VTI1A: variants seen among roughly 807,000 people sequenced by gnomAD.
VTI1A encodes vesicle transport through interaction with t-SNAREs 1A, also known as vesicle transport through interaction with t-SNAREs homolog 1A.
VTI1A carries 22 observed loss-of-function variants against 34.9 expected under a neutral mutation model. The ratio of observed to expected loss-of-function variants is 0.63; its 90% confidence interval spans 0.45 to 0.90. The LOEUF is 0.90. Among genes scored for constraint, VTI1A ranks in the 40% least tolerant of loss-of-function variants. The pLI, the probability that VTI1A is intolerant of heterozygous loss-of-function variation, is 0.00. For missense variants in VTI1A, 268 were observed against 275.6 expected (o/e 0.97, Z 0.20); for synonymous variants, 87 against 97.3 (o/e 0.89, Z 0.62).
chr10:112,808,701 C>T (rs1266761812), intron 7 of VTI1A, among the ~76,000 whole-genome samples: 1 of 151,966 alleles, frequency 6.6e-6, no homozygotes, highest in Non-Finnish European at 1.5e-5. Context: ...TTGTTTGGCT[C>T]CTGTAACTGG....
the VTI1A span, among the ~76,000 whole-genome samples, chr10:112,854,329 A>G: frequency 2.6e-5 from 4 of 152,242 alleles, no homozygotes; most frequent in African/African-American, 9.6e-5. Context: ...TTACAAATGC[A>G]GAAACAGGCT....
intron 7 of VTI1A, among the ~76,000 whole-genome samples, chr10:112,795,219 C>A (rs1852628702): frequency 6.6e-6 from 1 of 152,144 alleles, no homozygotes; most frequent in South Asian, 2.1e-4. Context: ...AGCTTTTCCA[C>A]CAACTAGCTG....
intron 7 of VTI1A, among the ~76,000 whole-genome samples, chr10:112,741,129 G>A (rs2133976402): frequency 6.6e-6 from 1 of 152,260 alleles, no homozygotes; most frequent in African/African-American, 2.4e-5. Context: ...GATTATTAGT[G>A]GTCACAGAGC....
chr10:112,840,819 A>G, the VTI1A span, among the ~76,000 whole-genome samples: 1 of 152,220 alleles, frequency 6.6e-6, no homozygotes, highest in African/African-American at 2.4e-5. Context: ...GAAGGAGGCC[A>G]CTAGTATAAT....
intron 5 of VTI1A, among the ~76,000 whole-genome samples, chr10:112,637,109 A>C (rs1435685555): frequency 3.3e-5 from 5 of 152,194 alleles, no homozygotes; most frequent in African/African-American, 1.2e-4. Context: ...AAACATTAGA[A>C]ATTGTTTATT....
chr10:112,535,661 G>C (rs1347805699), intron 4 of VTI1A, among the ~76,000 whole-genome samples: 1 of 152,146 alleles, frequency 6.6e-6, no homozygotes, highest in Non-Finnish European at 1.5e-5. Context: ...CACAAGTTGA[G>C]CTCTGTCTGA....
intron 5 of VTI1A, among the ~76,000 whole-genome samples, chr10:112,587,332 A>C (rs900350589): frequency 6.6e-6 from 1 of 152,150 alleles, no homozygotes; most frequent in Non-Finnish European, 1.5e-5. Context: ...AAAACTTCAG[A>C]AGTGTATATT....
chr10:112,511,271 G>A (rs764848607), intron 3 of VTI1A, among the ~76,000 whole-genome samples: 4 of 147,746 alleles, frequency 2.7e-5, no homozygotes, highest in Non-Finnish European at 6.0e-5. Flanking sequence ...CTTTTTCAGA[G>A]TCTTGCTCTG....
chr10:112,746,851 CG>C (rs1352733911), intron 7 of VTI1A, among the ~76,000 whole-genome samples: 2 of 152,164 alleles, frequency 1.3e-5, no homozygotes, highest in Non-Finnish European at 2.9e-5. Context: ...CTAATATGTC[CG>C]AACTAGAAGG....
intron 7 of VTI1A, among the ~76,000 whole-genome samples, chr10:112,791,297 T>C (rs1243801493): frequency 6.6e-6 from 1 of 152,166 alleles, no homozygotes; most frequent in Non-Finnish European, 1.5e-5. Context: ...GTTTTTTGTC[T>C]AGACAGAGAA....
chr10:112,786,990 T>C (rs894684036), intron 7 of VTI1A, among the ~76,000 whole-genome samples: 2 of 152,354 alleles, frequency 1.3e-5, no homozygotes, highest in South Asian at 2.1e-4. Flanking sequence ...ATTATTTCTT[T>C]CATAAATTGT....
At chr10:112,649,600 T>C (rs957804634) in intron 5 of VTI1A, among the ~76,000 whole-genome samples, 4 of 152,194 alleles carry the variant, frequency 2.6e-5, no homozygotes, top group Non-Finnish European at 5.9e-5. Flanking sequence ...CCCATCTGCC[T>C]TTTTGTTAAA....
chr10:112,492,902 C>G (rs1480195674), intron 3 of VTI1A, among the ~76,000 whole-genome samples: 1 of 152,076 alleles, frequency 6.6e-6, no homozygotes, highest in African/African-American at 2.4e-5. Context: ...TAACCGTAAT[C>G]GAGTTTTATG....
intron 5 of VTI1A, among the ~76,000 whole-genome samples, chr10:112,618,524 T>TATATAG (rs748276058): frequency 6.7e-4 from 23 of 34,580 alleles, no homozygotes; most frequent in East Asian, 1.4e-3. Context: ...TATATATATA[T>TATATAG]AGAGAGAGAG....
intron 1 of VTI1A, among the ~76,000 whole-genome samples, chr10:112,452,985 T>A (rs1847296853): frequency 6.6e-6 from 1 of 152,224 alleles, no homozygotes; most frequent in Non-Finnish European, 1.5e-5. Flanking sequence ...CTTTAACTAT[T>A]CCAGGATCCA....
intron 7 of VTI1A, among the ~76,000 whole-genome samples, chr10:112,690,747 T>C (rs1353118918): frequency 2.0e-5 from 3 of 152,236 alleles, no homozygotes; most frequent in Non-Finnish European, 4.4e-5. Flanking sequence ...ATATAGAGCA[T>C]GTGAAGCATC....
At chr10:112,511,261 CT>C (rs908523042) in intron 3 of VTI1A, among the ~76,000 whole-genome samples, 4 of 91,404 alleles carry the variant, frequency 4.4e-5, no homozygotes, top group Admixed American at 1.1e-4. Context: ...TTTTTTTTTT[CT>C]TTTTCAGAGT....
chr10:112,736,789 G>GTT, intron 7 of VTI1A: 1 of 1,490,808 alleles, frequency 6.7e-7, no homozygotes, highest in African/African-American at 1.4e-5. Flanking sequence ...GAACCAGCCA[G>GTT]TGGAAATTAC....
chr10:112,448,560 G>C (rs890066716), intron 1 of VTI1A: 6 of 152,088 alleles, frequency 3.9e-5, no homozygotes, highest in Non-Finnish European at 7.3e-5. Context: ...TTTCTCTACA[G>C]ATTAGAGTAG....
Sources: allele counts gnomAD v4.1 joint callset (sites outside exome capture counted in the v4.1 genomes callset), GRCh38; gene constraint gnomAD v4.1.1; transcripts MANE v1.5; gene names NCBI Gene and HGNC (gene_info 2026-07-23, HGNC 2026-07-21).